The following CDH18 variants were observed in gnomAD, a reference collection of about 807,000 sequenced individuals.
CDH18 encodes the protein cadherin 18.
CDH18 carries 31 observed loss-of-function variants against 67.9 expected under a neutral mutation model. That is an observed-to-expected ratio of 0.46 (90% CI 0.34 to 0.62). The LOEUF (loss-of-function observed/expected upper bound fraction) is 0.62. CDH18 is among the 20% of genes least tolerant of loss of function. The pLI is 0.01. For missense variants in CDH18, 890 were observed against 975.5 expected, an observed-to-expected ratio of 0.91 and a Z score of 1.17; for synonymous variants, 362 against 347.2, an observed-to-expected ratio of 1.04 and a Z score of -0.48.
chr5:19,643,997 G>A (rs184769015), intron 5 of CDH18, among the ~76,000 whole-genome samples: 1 of 152,142 alleles, frequency 6.6e-6, no homozygotes, highest in Admixed American at 6.5e-5. Flanking sequence ...ATAAAGTTAA[G>A]GGAAAACATA....
intron 2 of CDH18, among the ~76,000 whole-genome samples, chr5:20,251,396 CAT>C (rs977867170): frequency 1.3e-5 from 2 of 152,008 alleles, no homozygotes; most frequent in African/African-American, 4.8e-5. Context: ...TCTGTAATAA[CAT>C]GATTGATTGA....
intron 11 of CDH18, among the ~76,000 whole-genome samples, chr5:19,500,282 A>C (rs777627729): frequency 2.0e-5 from 3 of 152,038 alleles, no homozygotes; most frequent in African/African-American, 7.2e-5. Context: ...GGGCTATTTT[A>C]TTTTTAATTT....
At chr5:20,215,026 A>G (rs1740649008) in intron 2 of CDH18, among the ~76,000 whole-genome samples, 1 of 152,100 alleles carries the variant, frequency 6.6e-6, no homozygotes, top group South Asian at 2.1e-4. Flanking sequence ...AAGTTGGCAA[A>G]GGACATGAAC....
intron 1 of CDH18, among the ~76,000 whole-genome samples, chr5:20,428,698 T>C (rs1748510606): frequency 6.6e-6 from 1 of 152,208 alleles, no homozygotes. Context: ...TGACCAGTGA[T>C]GATGCACTTT....
chr5:19,679,698 C>T (rs1759999591), intron 5 of CDH18, among the ~76,000 whole-genome samples: 1 of 151,782 alleles, frequency 6.6e-6, no homozygotes, highest in South Asian at 2.1e-4. Context: ...CTAGCAGCCA[C>T]AAGTAGAATA....
At chr5:19,772,652 GT>G (rs1299443320) in intron 3 of CDH18, among the ~76,000 whole-genome samples, 5 of 152,128 alleles carry the variant, frequency 3.3e-5, no homozygotes, top group Non-Finnish European at 7.4e-5. Flanking sequence ...AACATTAATA[GT>G]TTTAGTACCA....
At chr5:19,928,084 A>G (rs1213284124) in intron 2 of CDH18, among the ~76,000 whole-genome samples, 4 of 152,180 alleles carry the variant, frequency 2.6e-5, no homozygotes, top group Non-Finnish European at 5.9e-5. Context: ...GTCCTGATTC[A>G]TTGTCATGGA....
chr5:19,737,602 A>G (rs989342543), intron 4 of CDH18, among the ~76,000 whole-genome samples: 1 of 152,196 alleles, frequency 6.6e-6, no homozygotes, highest in African/African-American at 2.4e-5. Context: ...GGACAAAACT[A>G]TCCAAAATTA....
chr5:19,655,502 T>C (rs945770715), intron 5 of CDH18, among the ~76,000 whole-genome samples: 1 of 152,016 alleles, frequency 6.6e-6, no homozygotes, highest in Admixed American at 6.6e-5. Context: ...TTATTTAATA[T>C]TTGTGGAATA....
intron 6 of CDH18, among the ~76,000 whole-genome samples, chr5:19,597,517 T>C (rs1746365291): frequency 6.6e-6 from 1 of 152,020 alleles, no homozygotes; most frequent in South Asian, 2.1e-4. Context: ...AAAACCAAAA[T>C]AAACAAACAA....
At chr5:20,156,491 G>A (rs866466554) in intron 2 of CDH18, among the ~76,000 whole-genome samples, 21 of 152,098 alleles carry the variant, frequency 1.4e-4, no homozygotes, top group Non-Finnish European at 2.5e-4. Flanking sequence ...GTCAAATACC[G>A]TATGTTCTCA....
chr5:20,279,412 T>C (rs1490595061), intron 1 of CDH18, among the ~76,000 whole-genome samples: 1 of 151,870 alleles, frequency 6.6e-6, no homozygotes, highest in African/African-American at 2.4e-5. Context: ...GCAAATACTA[T>C]AAGAGGCTGG....
intron 1 of CDH18, among the ~76,000 whole-genome samples, chr5:19,985,729 C>T (rs1799499204): frequency 6.6e-6 from 1 of 151,778 alleles, no homozygotes; most frequent in Admixed American, 6.6e-5. Context: ...GCCTAAAGTT[C>T]TGTACTTAAT....
chr5:19,865,562 C>A (rs1785392827), intron 2 of CDH18, among the ~76,000 whole-genome samples: 1 of 152,202 alleles, frequency 6.6e-6, no homozygotes, highest in African/African-American at 2.4e-5. Context: ...CCTACAGAGA[C>A]AACCATCCCT....
At chr5:20,563,030 T>C (rs1272896963) in intron 1 of CDH18, among the ~76,000 whole-genome samples, 1 of 151,502 alleles carries the variant, frequency 6.6e-6, no homozygotes, top group African/African-American at 2.4e-5. Context: ...CTAATCTAGA[T>C]CATTTTTTTC....
intron 1 of CDH18, among the ~76,000 whole-genome samples, chr5:20,347,544 A>T (rs1740801028): frequency 6.6e-6 from 1 of 152,240 alleles, no homozygotes; most frequent in African/African-American, 2.4e-5. Context: ...TAAACTGCCT[A>T]TGCAGCTAAA....
intron 1 of CDH18, among the ~76,000 whole-genome samples, chr5:20,385,138 T>C (rs2150106592): frequency 6.6e-6 from 1 of 152,242 alleles, no homozygotes; most frequent in Non-Finnish European, 1.5e-5. Context: ...CACCTGGCCT[T>C]GTTAGGTTTT....
At chr5:20,138,138 T>C (rs1014983769) in intron 2 of CDH18, among the ~76,000 whole-genome samples, 1 of 152,040 alleles carries the variant, frequency 6.6e-6, no homozygotes, top group Admixed American at 6.6e-5. Context: ...GCTTCATCCC[T>C]GGGATGCAAG....
chr5:20,384,495 T>C (rs1383866219), intron 1 of CDH18, among the ~76,000 whole-genome samples: 1 of 152,246 alleles, frequency 6.6e-6, no homozygotes, highest in South Asian at 2.1e-4. Context: ...TGTTGTTGGA[T>C]ACTTAGGTTG....
Sources: gnomAD v4.1 joint callset for allele counts (sites outside exome capture counted in the v4.1 genomes callset) on GRCh38, gnomAD v4.1.1 for gene constraint, MANE v1.5 for transcripts, NCBI Gene and HGNC (gene_info 2026-07-23, HGNC 2026-07-21) for gene names.